Variants in ZFHX3 observed in about 807,000 individuals in gnomAD.
The protein encoded by ZFHX3 is zinc finger homeobox protein 3.
ZFHX3 carries 42 observed loss-of-function variants against 279.1 expected under a neutral mutation model. The ratio of observed to expected loss-of-function variants is 0.15; its 90% CI spans 0.12 to 0.19. The LOEUF is 0.19. ZFHX3 is among the 10% of genes least tolerant of loss of function. The pLI is 1.00. For synonymous variants in ZFHX3, 2,293 were observed against 1,957.8 expected, an observed-to-expected ratio of 1.17 and a Z score of -4.52; for missense variants, 4,981 against 4,754.0, an observed-to-expected ratio of 1.05 and a Z score of -1.40.
At chr16:72,814,168 G>A (rs1308169106) in intron 5 of ZFHX3, among the ~76,000 whole-genome samples, 1 of 151,994 alleles carries the variant, frequency 6.6e-6, no homozygotes, top group African/African-American at 2.4e-5. Context: ...TTAGGCTCAG[G>A]GTATATATAG....
At chr16:73,200,295 A>G (rs959224546) in intron 5 of ZFHX3, among the ~76,000 whole-genome samples, 1 of 152,126 alleles carries the variant, frequency 6.6e-6, no homozygotes, top group Non-Finnish European at 1.5e-5. Flanking sequence ...TAAAAAAATT[A>G]CTCAGCTATT....
rs143011026 is a variant in ZFHX3 at position 73,090,324 on chromosome 16, C to A, written c.-533+2911G>T. Reference sequence around the variant, plus strand: ...GGGAGGATGGCTTGAGCCTGGGAGGCGGAGGTTGCAGTGGGCTGAGATGGT... The same window carrying A: ...GGGAGGATGGCTTGAGCCTGGGAGGAGGAGGTTGCAGTGGGCTGAGATGGT... On this transcript the variant is annotated intron_variant, in intron 8 of 17. Coordinates refer to the ZFHX3 transcript ENST00000641206. Among the ~76,000 whole-genome samples the A allele has an allele frequency of 7.9e-5, 12 of 152,174 alleles. No individual in the cohort carries two copies. The East Asian group carries it at 2.1e-3, about 27-fold the overall frequency.
At chr16:73,802,553 A>G (rs572040817) in intron 1 of ZFHX3, among the ~76,000 whole-genome samples, 1 of 152,312 alleles carries the variant, frequency 6.6e-6, no homozygotes, top group African/African-American at 2.4e-5. Flanking sequence ...CACTAAACTC[A>G]GGGAAAAGAA....
intron 5 of ZFHX3, among the ~76,000 whole-genome samples, chr16:73,174,251 G>A (rs1967607578): frequency 6.7e-6 from 1 of 149,690 alleles, no homozygotes; most frequent in Admixed American, 6.7e-5. Flanking sequence ...AATGGGTGGT[G>A]TGTGTGTTCA....
At chr16:73,817,867 C>A (rs186068327) in intron 1 of ZFHX3, among the ~76,000 whole-genome samples, 3 of 152,280 alleles carry the variant, frequency 2.0e-5, no homozygotes, top group Admixed American at 6.5e-5. Context: ...GAGCCCAGCA[C>A]CTATTTATGA....
chr16:73,466,960 T>A (rs918608108), intron 2 of ZFHX3, among the ~76,000 whole-genome samples: 2 of 151,800 alleles, frequency 1.3e-5, no homozygotes, highest in Non-Finnish European at 2.9e-5. Flanking sequence ...GCGAACTGAT[T>A]TTTTTAGGGT....
rs1479478184 is a variant in ZFHX3, at chr16:73,231,705, C to T, written c.-1104+25342G>A. 2.0e-5 allele frequency among the ~76,000 whole-genome samples: 3 copies of T among 152,148 alleles called. No individual in the cohort carries two copies. In the East Asian group the frequency reaches 5.8e-4, roughly 29 times the overall value. On this transcript the variant is annotated intron_variant, in intron 5 of 17. Transcript: ENST00000641206. Reference sequence around the variant, plus strand: ...CCACTTCTCCAAGAAGCAAATGTATCCCTAATATTGGGTTTCACCACGCCG... The same window carrying T: ...CCACTTCTCCAAGAAGCAAATGTATTCCTAATATTGGGTTTCACCACGCCG...
intron 1 of ZFHX3, among the ~76,000 whole-genome samples, chr16:72,968,866 G>T (rs111356459): frequency 1.3e-5 from 2 of 152,058 alleles, no homozygotes; most frequent in African/African-American, 4.8e-5. Context: ...ACAATGCCTC[G>T]ATTTTCAAAT....
chr16:73,590,696 G>A (rs1476389398), intron 2 of ZFHX3, among the ~76,000 whole-genome samples: 1 of 152,142 alleles, frequency 6.6e-6, no homozygotes, highest in Non-Finnish European at 1.5e-5. Flanking sequence ...GATATTTGCT[G>A]GGGAGAAATT....
rs555352532 is a variant in ZFHX3, at chr16:73,799,302, G to T, written c.-1608+92349C>A. On this transcript the variant is annotated intron_variant, in intron 1 of 17. Transcript: ENST00000641206. ...AAAGTGTTTCTGAACATGGGAAGATGCTATATGAGTGTAAATGATGTGTAT... is the reference window on the plus strand; with the variant it reads ...AAAGTGTTTCTGAACATGGGAAGATTCTATATGAGTGTAAATGATGTGTAT... Among the ~76,000 whole-genome samples, 43 of 152,334 alleles carry T rather than the reference G, an allele frequency of 2.8e-4. No homozygotes were observed. In the South Asian group the frequency reaches 7.9e-3, roughly 28 times the overall value.
chr16:73,557,875 C>T lies in ZFHX3; in HGVS notation c.-1546-101617G>A, dbSNP rs1203182554. On this transcript the variant is annotated intron_variant, in intron 2 of 17. Transcript: ENST00000641206. ...TGCTCTGGTTCACACACCTGTGACA[C>T]TTGGATGGGCTAAAAAATGAAATCT... Among the ~76,000 whole-genome samples, 6 of 152,240 alleles carry T rather than the reference C, an allele frequency of 3.9e-5. 1 individual carries two copies. Among genetic ancestry groups the T allele is most frequent in the Admixed American group, 3.3e-4 (5 of 15,290 alleles).
At chr16:73,034,046 T>C (rs1006526842) in intron 1 of ZFHX3, among the ~76,000 whole-genome samples, 1 of 152,016 alleles carries the variant, frequency 6.6e-6, no homozygotes, top group Non-Finnish European at 1.5e-5. Flanking sequence ...GCTGAAATCA[T>C]TTAGTTTTGA....
chr16:73,367,916 T>C (rs2016558558), intron 3 of ZFHX3, among the ~76,000 whole-genome samples: 1 of 149,090 alleles, frequency 6.7e-6, no homozygotes, highest in African/African-American at 2.5e-5. Flanking sequence ...TTTCTCAGGC[T>C]GGAGTGCAGT....
intron 1 of ZFHX3, among the ~76,000 whole-genome samples, chr16:73,781,789 C>A (rs1032243590): frequency 6.6e-6 from 1 of 152,080 alleles, no homozygotes; most frequent in Non-Finnish European, 1.5e-5. Flanking sequence ...GAGTTTGAGA[C>A]CAGCCTGACC....
intron 2 of ZFHX3, among the ~76,000 whole-genome samples, chr16:73,594,838 A>T (rs571700991): frequency 6.6e-6 from 1 of 152,316 alleles, no homozygotes; most frequent in African/African-American, 2.4e-5. Context: ...TTCCAAGATA[A>T]GGTTTTCATG....
intron 5 of ZFHX3, among the ~76,000 whole-genome samples, chr16:73,184,551 G>A (rs1052875983): frequency 2.0e-5 from 3 of 152,158 alleles, no homozygotes; most frequent in Non-Finnish European, 2.9e-5. Flanking sequence ...AAGGCAGGTC[G>A]TGAGCCTGTG....
intron 4 of ZFHX3, among the ~76,000 whole-genome samples, chr16:72,836,188 T>C (rs993048661): frequency 6.6e-6 from 1 of 152,008 alleles, no homozygotes; most frequent in Admixed American, 6.6e-5. Context: ...CCGATGGAGG[T>C]GGGCCACTCC....
At chr16:72,882,068 C>T (rs370931050) in intron 4 of ZFHX3, among the ~76,000 whole-genome samples, 25 of 152,196 alleles carry the variant, frequency 1.6e-4, no homozygotes, top group East Asian at 1.4e-3. Flanking sequence ...ACTCACACCC[C>T]TAAAAAGAGG....
chr16:72,935,982 C>T (rs1334099706), intron 3 of ZFHX3, among the ~76,000 whole-genome samples: 2 of 152,118 alleles, frequency 1.3e-5, no homozygotes, highest in Non-Finnish European at 2.9e-5. Context: ...TTTTAGTTGG[C>T]AGAATTTGGG....
Sources: gnomAD v4.1 joint callset for allele counts (sites outside exome capture counted in the v4.1 genomes callset) on GRCh38, gnomAD v4.1.1 for gene constraint, MANE v1.5 for transcripts, NCBI Gene and HGNC (gene_info 2026-07-23, HGNC 2026-07-21) for gene names.